WLS: variants seen among roughly 807,000 people sequenced by gnomAD.
WLS encodes the protein protein wntless homolog.
A neutral mutation model predicts 62.8 loss-of-function variants in WLS; 23 were observed. The ratio of observed to expected loss-of-function variants is 0.37; its 90% CI spans 0.26 to 0.52. The LOEUF (loss-of-function observed/expected upper bound fraction) is 0.52, where lower values mean the gene tolerates loss of function less well. Among genes scored for constraint, WLS ranks in the 20% least tolerant of loss-of-function variants. The probability of loss-of-function intolerance (pLI) is 0.92; values close to 1 mark genes in which losing one functional copy is unlikely to be tolerated. For missense variants in WLS, 615 were observed against 697.3 expected, an observed-to-expected ratio of 0.88 and a Z score of 1.33; for synonymous variants, 246 against 244.1, an observed-to-expected ratio of 1.01 and a Z score of -0.07.
intron 11 of WLS, among the ~76,000 whole-genome samples, chr1:68,116,067 A>AG (rs1164407110): frequency 6.6e-6 from 1 of 152,218 alleles, no homozygotes; most frequent in African/African-American, 2.4e-5. Flanking sequence ...TCACCCTAAC[A>AG]GGGAAGTCCC....
chr1:68,205,105 T>A (rs1649227749), intron 1 of WLS, among the ~76,000 whole-genome samples: 1 of 152,220 alleles, frequency 6.6e-6, no homozygotes, highest in Non-Finnish European at 1.5e-5. Flanking sequence ...GATTAATCCT[T>A]GTCCCGCCTG....
chr1:68,228,888 T>G (rs72670462), intron 1 of WLS, among the ~76,000 whole-genome samples: 19,284 of 101,436 alleles, frequency 0.19, 1,904 homozygotes, highest in East Asian at 0.41. Flanking sequence ...AAAAAATGTG[T>G]TTTTTTTTGT....
At chr1:68,157,992 T>G (rs1232535718) in intron 3 of WLS, among the ~76,000 whole-genome samples, 1 of 152,218 alleles carries the variant, frequency 6.6e-6, no homozygotes, top group Non-Finnish European at 1.5e-5. Context: ...TCTGAAAATG[T>G]TAGCTGTTCC....
chr1:68,158,969 C>A (rs945845795), intron 3 of WLS, among the ~76,000 whole-genome samples, 154 bp downstream of exon 3: 2 of 152,152 alleles, frequency 1.3e-5, no homozygotes, highest in African/African-American at 4.8e-5. Flanking sequence ...AGGCCCGTGG[C>A]AGGAGAGAAG....
chr1:68,224,813 T>G (rs559907340), intron 1 of WLS, among the ~76,000 whole-genome samples: 45 of 152,050 alleles, frequency 3.0e-4, no homozygotes, highest in Non-Finnish European at 5.1e-4. Flanking sequence ...GCTCTATCTG[T>G]GTAGAATCAG....
At chr1:68,151,942 G>C (rs981367895) in intron 5 of WLS, among the ~76,000 whole-genome samples, 2 of 152,184 alleles carry the variant, frequency 1.3e-5, no homozygotes, top group African/African-American at 4.8e-5. Context: ...GAAAGGGGTT[G>C]CGAGGCTGTT....
Position 68,162,462 on chromosome 1 carries a change from G to T in WLS, c.380-3215C>A, listed in dbSNP as rs552741617. 4.8e-5 allele frequency: 77 copies of T among 1,613,910 alleles called. No individual in the cohort carries two copies. In the African/African-American group the frequency reaches 8.7e-4, roughly 18 times the overall value. The stretch of plus-strand genomic sequence containing the variant: ...GCTCGATCCCATCCTGCAAGTAGGG[G>T]TCATAAAATATGACGCTGAATCCAA... On this transcript the variant is annotated intron_variant, in intron 2 of 11. Transcript: ENST00000262348.
At chr1:68,112,735 T>C (rs1646244429) in intron 11 of WLS, among the ~76,000 whole-genome samples, 1 of 152,232 alleles carries the variant, frequency 6.6e-6, no homozygotes, top group Admixed American at 6.5e-5. Context: ...GGTTCATGTA[T>C]TGGGAACCTT....
chr1:68,224,724 TG>T (rs1650072613), intron 1 of WLS, among the ~76,000 whole-genome samples: 1 of 152,026 alleles, frequency 6.6e-6, no homozygotes, highest in African/African-American at 2.4e-5. Context: ...TCAGTAACCA[TG>T]CAGTGATATG....
At chr1:68,189,573 G>C (rs1247799980) in intron 2 of WLS, among the ~76,000 whole-genome samples, 1 of 152,074 alleles carries the variant, frequency 6.6e-6, no homozygotes, top group African/African-American at 2.4e-5. Context: ...TATCCCCTGT[G>C]GATAAGGAAG....
chr1:68,177,200 A>G (rs1647294829), intron 2 of WLS, among the ~76,000 whole-genome samples: 1 of 152,232 alleles, frequency 6.6e-6, no homozygotes, highest in Non-Finnish European at 1.5e-5. Flanking sequence ...AGTGCTGATC[A>G]GCATGCATTT....
Position 68,201,767 on chromosome 1 carries a change from T to G in WLS, c.107-7540A>C, listed in dbSNP as rs1027253828. On this transcript the variant is annotated intron_variant, in intron 1 of 11. Transcript: ENST00000262348. ...AACCACTACCACCAAAACACAAACATACATACTACATAGCAGAGTTGAATG... is the reference window on the plus strand; with the variant it reads ...AACCACTACCACCAAAACACAAACAGACATACTACATAGCAGAGTTGAATG... 3.9e-5 allele frequency among the ~76,000 whole-genome samples: 6 copies of G among 152,124 alleles called. 1 individual carries two copies. The East Asian group carries it at 1.2e-3, about 29-fold the overall frequency.
At chr1:68,188,210 A>G (rs761064989) in intron 2 of WLS, among the ~76,000 whole-genome samples, 3 of 152,210 alleles carry the variant, frequency 2.0e-5, no homozygotes, top group Non-Finnish European at 2.9e-5. Context: ...CTTAACCACA[A>G]TTTCATCAGT....
At chr1:68,131,825 A>C (rs1646530524) in intron 11 of WLS, among the ~76,000 whole-genome samples, 2 of 152,186 alleles carry the variant, frequency 1.3e-5, no homozygotes, top group African/African-American at 2.4e-5. Flanking sequence ...ACTCCAACAG[A>C]CTGGTGTCCT....
chr1:68,126,373 G>A, intron 11 of WLS, 38 bp from the exon 12 acceptor site: 1 of 1,612,442 alleles, frequency 6.2e-7, no homozygotes, highest in Non-Finnish European at 8.5e-7. Context: ...CATTCAAGGA[G>A]GAAGGAGAAG....
At chr1:68,210,649 G>A (rs896587726) in intron 1 of WLS, among the ~76,000 whole-genome samples, 1 of 152,162 alleles carries the variant, frequency 6.6e-6, no homozygotes, top group Non-Finnish European at 1.5e-5. Flanking sequence ...CCCTCCCCAA[G>A]CAAAATCTCT....
At chr1:68,219,086 A>C (rs1280690678) in intron 1 of WLS, among the ~76,000 whole-genome samples, 1 of 152,216 alleles carries the variant, frequency 6.6e-6, no homozygotes, top group Admixed American at 6.5e-5. Flanking sequence ...TAAATCTCAA[A>C]ATTTGCATTA....
chr1:68,127,497 C>G (rs1280168623), intron 11 of WLS, among the ~76,000 whole-genome samples: 4 of 152,174 alleles, frequency 2.6e-5, no homozygotes, highest in African/African-American at 4.8e-5. Context: ...CTCGAAAACT[C>G]TGCTACCTGC....
Position 68,198,635 on chromosome 1 carries a change from T to C in WLS, c.107-4408A>G, listed in dbSNP as rs568433413. 9.2e-5 allele frequency among the ~76,000 whole-genome samples: 14 copies of C among 152,208 alleles called. No homozygotes were observed. In the South Asian group the frequency reaches 2.9e-3, roughly 32 times the overall value. On this transcript the variant is annotated intron_variant, in intron 1 of 11. Transcript: ENST00000262348. ...TCTACCATGCACTAGACACTGCCGG[T>C]TCTGGAGTAAACCTGATAGGCACCA...
Sources: allele counts gnomAD v4.1 joint callset (sites outside exome capture counted in the v4.1 genomes callset), GRCh38; gene constraint gnomAD v4.1.1; transcripts MANE v1.5; gene names NCBI Gene and HGNC (gene_info 2026-07-23, HGNC 2026-07-21).